Variants in ZSCAN32 observed in about 807,000 individuals in gnomAD.
The protein encoded by ZSCAN32 is zinc finger and SCAN domain containing 32, also known as zinc finger and SCAN domain-containing protein 32.
A neutral mutation model predicts 47.4 loss-of-function variants in ZSCAN32; 52 were observed. The ratio of observed to expected loss-of-function variants is 1.10; its 90% confidence interval spans 0.88 to 1.38. ZSCAN32 has a LOEUF of 1.38. Ranked by LOEUF, ZSCAN32 falls within the 40% of genes most tolerant of loss-of-function variation. The pLI, the probability that ZSCAN32 is intolerant of heterozygous loss-of-function variation, is 0.00. For missense variants in ZSCAN32, 959 were observed against 846.0 expected, an observed-to-expected ratio of 1.13 and a Z score of -1.66; for synonymous variants, 346 against 305.7, an observed-to-expected ratio of 1.13 and a Z score of -1.38.
chr16:3,390,605 G>GC (rs2032571528), intron 3 of ZSCAN32, 88 bp from the exon 4 acceptor site: 3 of 1,029,598 alleles, frequency 2.9e-6, no homozygotes. Context: ...TGGGCCAGCC[G>GC]CATCAGCAGC....
In ZSCAN32 at chr16:3,382,697, G is replaced by A. The variant is rs537919319; in HGVS notation, c.*155C>T. 15 of 1,213,886 alleles carry A rather than the reference G, an allele frequency of 1.2e-5. No individual in the cohort carries two copies. Among genetic ancestry groups the A allele is most frequent in the Admixed American group, 8.1e-5 (3 of 37,168 alleles). 75.2% of individuals were successfully genotyped at this position (1,213,886 alleles called of 1,614,324 possible). On this transcript the variant is annotated 3_prime_UTR_variant, in exon 7 of 7. Transcript: ENST00000396852. ...ACAGGCACAGCCAGGAGAGGTCAGC[G>A]TCCTTATGCTGACTCCTGGTCCTAG...
intron 1 of ZSCAN32, among the ~76,000 whole-genome samples, chr16:3,399,657 G>A (rs2150914282): frequency 6.6e-6 from 1 of 152,110 alleles, no homozygotes; most frequent in Non-Finnish European, 1.5e-5. Context: ...TGTTGCCCAG[G>A]CTGGTCTCAA....
Position 3,390,352 on chromosome 16 carries a change from C to A in ZSCAN32, c.627+71G>T, listed in dbSNP as rs566003265. On this transcript the variant is annotated intron_variant, in intron 4 of 6. Transcript: ENST00000396852. ...GGACCACACAGAATCTTTCTCATGT[C>A]TCTGGAAAGGAGGAGGGTTTTGGGG... 3 of 1,434,858 alleles carry A rather than the reference C, an allele frequency of 2.1e-6. No individual in the cohort carries two copies. In the African/African-American group the frequency reaches 4.3e-5, roughly 21 times the overall value. The allele number at this position is 1,434,858 out of a possible 1,614,324, so 88.9% of individuals were successfully genotyped here.
chr16:3,387,615 T>C (rs2032170515), intron 5 of ZSCAN32, among the ~76,000 whole-genome samples: 1 of 152,202 alleles, frequency 6.6e-6, no homozygotes, highest in Non-Finnish European at 1.5e-5. Context: ...AGCCTCTTCT[T>C]GTCACCCCCT....
intron 1 of ZSCAN32, among the ~76,000 whole-genome samples, chr16:3,398,658 A>C (rs1313301985): frequency 1.3e-5 from 2 of 152,092 alleles, no homozygotes; most frequent in Admixed American, 1.3e-4. Flanking sequence ...GTTCCTGACG[A>C]TATAGTTCAC....
chr16:3,385,035 A>T, intron 5 of ZSCAN32, 94 bp from the exon 6 acceptor site: 1 of 1,448,910 alleles, frequency 6.9e-7, no homozygotes, highest in South Asian at 1.3e-5. Context: ...TTAAAAAGTT[A>T]CATCCTAGGC....
intron 5 of ZSCAN32, 78 bp from the exon 6 acceptor site, chr16:3,385,019 G>T: frequency 6.6e-7 from 1 of 1,508,520 alleles, no homozygotes; most frequent in South Asian, 1.3e-5. Context: ...GTGCAGTTTT[G>T]GCAGCTTAAA....
Position 3,382,844 on chromosome 16 carries a change from C to T in ZSCAN32, c.*8G>A, listed in dbSNP as rs144529036. Reference sequence around the variant, plus strand: ...TGAGGAACTTAATCTGACAGTTTACCGACACACTCATAACGCATCTCTTCC... The same window carrying T: ...TGAGGAACTTAATCTGACAGTTTACTGACACACTCATAACGCATCTCTTCC... On this transcript the variant is annotated 3_prime_UTR_variant, in exon 7 of 7. Coordinates refer to ENST00000396852, the MANE Select transcript of ZSCAN32 (RefSeq NM_001284527.2). The T allele has an allele frequency of 4.1e-5, 64 of 1,542,920 alleles. 1 individual carries two copies. Among genetic ancestry groups the T allele is most frequent in the East Asian group, 4.1e-4 (18 of 44,168 alleles).
intron 5 of ZSCAN32, among the ~76,000 whole-genome samples, chr16:3,387,828 C>T (rs947816273): frequency 6.6e-6 from 1 of 152,198 alleles, no homozygotes; most frequent in Admixed American, 6.5e-5. Flanking sequence ...ATGAACCCTG[C>T]CTTCAAGGAG....
rs182826637 is a variant in ZSCAN32 at position 3,384,723 on chromosome 16, G to A, written c.970C>T (p.Arg324Cys). Residue 324 changes from arginine to cysteine, a missense_variant, in exon 6 of 7, where the codon CGT (arginine) becomes TGT (cysteine). By Grantham distance (180) the Arg-to-Cys change is radical (BLOSUM62 -3). Transcript: ENST00000396852. The part of the protein sequence containing the change: ...QLSYRKVRRG[R>C]VPEPCIFYEE... The stretch of plus-strand genomic sequence containing the variant: ...TAAAAGATACAAGGCTCAGGCACAC[G>A]GCCTCTCCTCACTTTGCGGTAACTC... 23 of 1,614,116 alleles carry A rather than the reference G, an allele frequency of 1.4e-5. No homozygotes were observed. Among genetic ancestry groups the A allele is most frequent in the Admixed American group, 1.2e-4 (7 of 60,012 alleles).
intron 1 of ZSCAN32, among the ~76,000 whole-genome samples, chr16:3,399,783 T>A (rs1186139366): frequency 6.7e-6 from 1 of 149,346 alleles, no homozygotes; most frequent in Non-Finnish European, 1.5e-5. Flanking sequence ...CTTTTGTATT[T>A]TTTGTAGAGG....
chr16:3,384,305 C>A (rs1373748043), intron 6 of ZSCAN32, 154 bp downstream of exon 6: 5 of 1,069,636 alleles, frequency 4.7e-6, no homozygotes, highest in South Asian at 3.1e-5. Context: ...AGGGGAATAA[C>A]CTTTAACTCC....
chr16:3,384,206 G>C, intron 6 of ZSCAN32: 1 of 596,574 alleles, frequency 1.7e-6, no homozygotes, highest in Non-Finnish European at 2.9e-6. Flanking sequence ...CCAGCAGTCT[G>C]ACAATGCATA....
At chr16:3,392,991 C>T (rs542071518) in intron 3 of ZSCAN32, among the ~76,000 whole-genome samples, 1 of 148,990 alleles carries the variant, frequency 6.7e-6, no homozygotes, top group African/African-American at 2.5e-5. Context: ...AACTGCTGTG[C>T]AGAAGGTGAA....
chr16:3,394,260 T>C (rs778161236), intron 2 of ZSCAN32, among the ~76,000 whole-genome samples: 4 of 152,092 alleles, frequency 2.6e-5, no homozygotes, highest in Non-Finnish European at 5.9e-5. Context: ...AGCAAGACTC[T>C]GTCTCAAAAA....
At chr16:3,397,826 C>CAATG in intron 1 of ZSCAN32, 82 bp from the exon 2 acceptor site, 1 of 288,498 alleles carries the variant, frequency 3.5e-6, no homozygotes, top group Non-Finnish European at 6.4e-6. Flanking sequence ...CTATCCCTTT[C>CAATG]CTTTACTCCC....
chr16:3,384,566 A>G lies in ZSCAN32; in HGVS notation c.1127T>C (p.Val376Ala). Residue 376 changes from valine (V) to alanine (A), a missense_variant, in exon 6 of 7, where the codon GTA becomes GCA. By Grantham distance (64) the Val-to-Ala change is moderately conservative. Transcript: ENST00000396852. The stretch of plus-strand genomic sequence containing the variant: ...TGCACCATCCACAGTGCCATCTTCT[A>G]CCTCCGTGGGTTCCCCATTCTGGTG... Reference protein sequence around the residue: ...LNHQNGEPTEVEDGTVDGADR... With the variant: ...LNHQNGEPTEAEDGTVDGADR... The G allele has an allele frequency of 1.9e-6, 3 of 1,613,968 alleles. 1 individual carries two copies. In the South Asian group the frequency reaches 3.3e-5, roughly 18 times the overall value.
chr16:3,383,045 T>G lies in ZSCAN32; in HGVS notation c.1901A>C (p.Lys634Thr). 1 of 1,614,130 alleles carries G rather than the reference T, an allele frequency of 6.2e-7. No individual in the cohort carries two copies. Among genetic ancestry groups the G allele is most frequent in the Non-Finnish European group, 8.5e-7 (1 of 1,179,986 alleles). The change falls in exon 7 of 7, where the codon AAG (lysine) becomes ACG (threonine). Residue 634 changes from lysine to threonine, a missense_variant. Coordinates refer to ENST00000396852, the MANE Select transcript of ZSCAN32 (RefSeq NM_001284527.2). Reference protein sequence around the residue: ...RRIHTGESPYKCAVCGKIFNN... With the variant: ...RRIHTGESPYTCAVCGKIFNN... ...GAAGATTTTCCCACACACTGCACAC[T>G]TGTATGGGCTCTCCCCAGTGTGGAT...
chr16:3,388,870 A>G (rs957780981), intron 5 of ZSCAN32, among the ~76,000 whole-genome samples: 5 of 152,086 alleles, frequency 3.3e-5, no homozygotes, highest in Admixed American at 6.6e-5. Flanking sequence ...AAACTGCTGG[A>G]TGGTTGTGGG....
Sources: gnomAD v4.1 joint callset for allele counts (sites outside exome capture counted in the v4.1 genomes callset) on GRCh38, gnomAD v4.1.1 for gene constraint, MANE v1.5 for transcripts, NCBI Gene and HGNC (gene_info 2026-07-23, HGNC 2026-07-21) for gene names.